The following LRFN5 variants were observed in gnomAD, a reference collection of about 807,000 sequenced individuals.
The protein encoded by LRFN5 is leucine-rich repeat and fibronectin type-III domain-containing protein 5.
LRFN5 carries 24 observed loss-of-function variants against 45.6 expected under a neutral mutation model. The ratio of observed to expected loss-of-function variants is 0.53; its 90% CI spans 0.38 to 0.74. The LOEUF (loss-of-function observed/expected upper bound fraction) is 0.74, where lower values mean the gene tolerates loss of function less well. LRFN5 is among the 30% of genes least tolerant of loss of function. The probability of loss-of-function intolerance (pLI) is 0.00; values close to 1 mark genes in which losing one functional copy is unlikely to be tolerated. For missense variants in LRFN5, 776 were observed against 861.5 expected, an observed-to-expected ratio of 0.90 and a Z score of 1.24; for synonymous variants, 340 against 313.8, an observed-to-expected ratio of 1.08 and a Z score of -0.88.
chr14:41,725,834 A>C (rs1307813614), intron 1 of LRFN5, among the ~76,000 whole-genome samples: 2 of 152,148 alleles, frequency 1.3e-5, no homozygotes, highest in Non-Finnish European at 2.9e-5. Context: ...TCTTTTCTGG[A>C]GTAACCAGTA....
At chr14:41,776,590 G>A (rs1308421150) in intron 2 of LRFN5, among the ~76,000 whole-genome samples, 1 of 151,884 alleles carries the variant, frequency 6.6e-6, no homozygotes, top group Non-Finnish European at 1.5e-5. Context: ...TAATTTAAAG[G>A]GACTGCCCAC....
At chr14:41,837,534 T>C (rs1888705914) in intron 2 of LRFN5, among the ~76,000 whole-genome samples, 1 of 152,192 alleles carries the variant, frequency 6.6e-6, no homozygotes, top group Non-Finnish European at 1.5e-5. Flanking sequence ...ACCTCTCAGC[T>C]GTACAATCTG....
chr14:41,653,978 CAT>C (rs975266604), intron 1 of LRFN5, among the ~76,000 whole-genome samples: 7 of 151,794 alleles, frequency 4.6e-5, no homozygotes, highest in South Asian at 4.1e-4. Flanking sequence ...TGTTCTCACT[CAT>C]AGGTGGGAAT....
intron 1 of LRFN5, among the ~76,000 whole-genome samples, chr14:41,626,158 A>G (rs1241989952): frequency 6.6e-6 from 1 of 152,104 alleles, no homozygotes; most frequent in Non-Finnish European, 1.5e-5. Flanking sequence ...TAATGTAAAA[A>G]TTCATAGTAA....
chr14:41,627,331 G>T (rs1403264788), intron 1 of LRFN5, among the ~76,000 whole-genome samples: 1 of 151,922 alleles, frequency 6.6e-6, no homozygotes, highest in African/African-American at 2.4e-5. Flanking sequence ...TTATTTCTGG[G>T]AAATGAGAAA....
intron 2 of LRFN5, among the ~76,000 whole-genome samples, chr14:41,875,055 A>G (rs1487671245): frequency 1.3e-5 from 2 of 152,132 alleles, no homozygotes; most frequent in Non-Finnish European, 2.9e-5. Flanking sequence ...AATTGAGATG[A>G]GATTTGGGTG....
chr14:41,855,043 C>G (rs540442795), intron 2 of LRFN5, among the ~76,000 whole-genome samples: 1 of 152,204 alleles, frequency 6.6e-6, no homozygotes, highest in East Asian at 1.9e-4. Flanking sequence ...CATTTAAACC[C>G]AGTGATCTTA....
intron 2 of LRFN5, among the ~76,000 whole-genome samples, chr14:41,788,972 T>C (rs930444251): frequency 6.6e-6 from 1 of 152,038 alleles, no homozygotes; most frequent in African/African-American, 2.4e-5. Context: ...ATTTTTCTTC[T>C]ATACTGTTTT....
At chr14:41,897,543 T>TA (rs1385319550) in intron 4 of LRFN5, among the ~76,000 whole-genome samples, 17 of 152,088 alleles carry the variant, frequency 1.1e-4, no homozygotes, top group African/African-American at 4.1e-4. Context: ...ATTAACCAGC[T>TA]AAAATCATAA....
intron 2 of LRFN5, among the ~76,000 whole-genome samples, chr14:41,880,691 C>T (rs1462680044): frequency 6.6e-6 from 1 of 151,742 alleles, no homozygotes; most frequent in East Asian, 1.9e-4. Flanking sequence ...TCTTTTTTGT[C>T]AGCTTATTAT....
At chr14:41,762,755 A>G (rs1885723025) in intron 1 of LRFN5, among the ~76,000 whole-genome samples, 1 of 152,104 alleles carries the variant, frequency 6.6e-6, no homozygotes, top group South Asian at 2.1e-4. Context: ...ATTATTACAT[A>G]AGTATAAATA....
intron 2 of LRFN5, among the ~76,000 whole-genome samples, chr14:41,808,234 G>GGAA (rs1446806210): frequency 9.0e-6 from 1 of 111,504 alleles, no homozygotes; most frequent in African/African-American, 3.3e-5. Context: ...AAGGAAGGAA[G>GGAA]GAATTGAGGG....
intron 2 of LRFN5, among the ~76,000 whole-genome samples, chr14:41,825,430 A>G (rs1347385425): frequency 6.6e-6 from 1 of 152,176 alleles, no homozygotes; most frequent in Non-Finnish European, 1.5e-5. Flanking sequence ...TTCAGCTCAC[A>G]TTCAGGGAGC....
At chr14:41,733,562 T>C (rs1014425697) in intron 1 of LRFN5, 35 of 152,262 alleles carry the variant, frequency 2.3e-4, no homozygotes, top group African/African-American at 7.7e-4. Flanking sequence ...AGGAGAGTTC[T>C]GCAGATCAAA....
chr14:41,781,563 A>G (rs1886489856), intron 2 of LRFN5, among the ~76,000 whole-genome samples: 1 of 17,722 alleles, frequency 5.6e-5, no homozygotes, highest in Non-Finnish European at 9.9e-5. Context: ...AGAAAGAGAA[A>G]GAAAGAAAGA....
rs183401091 is a variant in LRFN5, at chr14:41,676,132, C to G, written c.-197+67570C>G. On this transcript the variant is annotated intron_variant, in intron 1 of 5. Transcript: ENST00000298119. ...ACCCTCTTGCCAAATGTTGCAGAAG[C>G]CATATTTCAGCAAATGCCCCTTCAA... 1.0e-3 allele frequency among the ~76,000 whole-genome samples: 154 copies of G among 152,250 alleles called. 1 individual carries two copies. Among genetic ancestry groups the G allele is most frequent in the Non-Finnish European group, 1.3e-3 (87 of 68,016 alleles).
At chr14:41,772,762 G>A (rs930501828) in intron 2 of LRFN5, among the ~76,000 whole-genome samples, 4 of 151,942 alleles carry the variant, frequency 2.6e-5, no homozygotes, top group Admixed American at 1.3e-4. Flanking sequence ...CTCAGTATAC[G>A]GCTCACCATA....
chr14:41,731,539 C>CAA (rs1884176866), intron 1 of LRFN5, among the ~76,000 whole-genome samples: 1 of 152,028 alleles, frequency 6.6e-6, no homozygotes. Context: ...ATCCCTCTTT[C>CAA]TAGTATAGTT....
chr14:41,869,739 TC>T (rs1031844409), intron 2 of LRFN5, among the ~76,000 whole-genome samples: 2 of 151,884 alleles, frequency 1.3e-5, no homozygotes, highest in Non-Finnish European at 2.9e-5. Flanking sequence ...GCAGGGAAAC[TC>T]CCCCTTATAA....
Sources: gnomAD v4.1 joint callset for allele counts (sites outside exome capture counted in the v4.1 genomes callset) on GRCh38, gnomAD v4.1.1 for gene constraint, MANE v1.5 for transcripts, NCBI Gene and HGNC (gene_info 2026-07-23, HGNC 2026-07-21) for gene names.